Variants in ANKRD55 observed in about 807,000 individuals in gnomAD.
The protein encoded by ANKRD55 is ankyrin repeat domain 55, also known as ankyrin repeat domain-containing protein 55.
A neutral mutation model predicts 60.6 loss-of-function variants in ANKRD55; 41 were observed. That is an observed-to-expected ratio of 0.68 (90% CI 0.53 to 0.88). ANKRD55 has a LOEUF of 0.88. Among genes scored for constraint, ANKRD55 ranks in the 40% least tolerant of loss-of-function variants. The pLI is 0.00. For missense variants in ANKRD55, 732 were observed against 767.6 expected (o/e 0.95, Z 0.55); for synonymous variants, 264 against 290.3 (o/e 0.91, Z 0.92).
At chr5:56,194,509 A>G (rs1313250431) in intron 2 of ANKRD55, among the ~76,000 whole-genome samples, 1 of 152,124 alleles carries the variant, frequency 6.6e-6, no homozygotes, top group Non-Finnish European at 1.5e-5. Context: ...AGAAGCTAAA[A>G]TAAGACTGGC....
At chr5:56,174,754 C>T (rs144196067) in intron 4 of ANKRD55, among the ~76,000 whole-genome samples, 2 of 151,016 alleles carry the variant, frequency 1.3e-5, no homozygotes, top group African/African-American at 4.9e-5. Context: ...ATCGCTTGAA[C>T]CTGGGAGGCA....
At chr5:56,173,570 CTCTCTCTCTCTCTA>C (rs1465409382) in intron 4 of ANKRD55, among the ~76,000 whole-genome samples, 46 of 110,966 alleles carry the variant, frequency 4.1e-4, no homozygotes, top group African/African-American at 1.3e-3. Flanking sequence ...CTCTCTCTCT[CTCTCTCTCTCTCTA>C]TATATATATA....
chr5:56,185,638 A>C (rs1365526699), intron 2 of ANKRD55, among the ~76,000 whole-genome samples: 1 of 152,058 alleles, frequency 6.6e-6, no homozygotes, highest in African/African-American at 2.4e-5. Flanking sequence ...ATTGCACTCC[A>C]GCCTGGGCAA....
At chr5:56,100,349 C>T in intron 11 of ANKRD55, 45 bp from the exon 12 acceptor site, 1 of 1,611,672 alleles carries the variant, frequency 6.2e-7, no homozygotes, top group East Asian at 2.2e-5. Context: ...ATTTGCTTCT[C>T]TAACAGGAAG....
At chr5:56,146,674 G>A (rs935644559) in intron 6 of ANKRD55, 1 of 152,340 alleles carries the variant, frequency 6.6e-6, no homozygotes, top group Non-Finnish European at 1.5e-5. Flanking sequence ...GAACTTGTCT[G>A]ATATGATCAT....
intron 5 of ANKRD55, among the ~76,000 whole-genome samples, chr5:56,161,776 C>A (rs1758337280): frequency 6.6e-6 from 1 of 152,212 alleles, no homozygotes; most frequent in African/African-American, 2.4e-5. Context: ...GGCAGAAAGA[C>A]CCTGGGTCAC....
Position 56,176,139 on chromosome 5 carries a change from C to T in ANKRD55, c.312+13G>A. 6.2e-7 allele frequency: 1 copy of T among 1,613,708 alleles called. No individual in the cohort carries two copies. The highest frequency in any genetic ancestry group is 8.5e-7 in the Non-Finnish European group (1 of 1,179,786). ...CCTGCTCCTTCCACCCTGTGACAGG[C>T]ACAAGTCAGTACCAGGTAGGTGGCC... On this transcript the variant is annotated intron_variant, in intron 4 of 11. Coordinates refer to ENST00000341048, the MANE Select transcript of ANKRD55 (RefSeq NM_024669.3).
intron 8 of ANKRD55, among the ~76,000 whole-genome samples, chr5:56,121,688 T>A (rs1358104673): frequency 6.6e-6 from 1 of 152,060 alleles, no homozygotes; most frequent in Non-Finnish European, 1.5e-5. Context: ...CACCACTTTT[T>A]AAAAAAGATT....
At chr5:56,180,929 T>G (rs1311184146) in intron 3 of ANKRD55, among the ~76,000 whole-genome samples, 1 of 152,348 alleles carries the variant, frequency 6.6e-6, no homozygotes, top group Admixed American at 6.5e-5. Context: ...GCCGGGCCAG[T>G]GGCTCACACC....
chr5:56,196,306 A>G (rs1290209100), intron 2 of ANKRD55, among the ~76,000 whole-genome samples: 1 of 152,200 alleles, frequency 6.6e-6, no homozygotes, highest in Non-Finnish European at 1.5e-5. Context: ...TTATTATTCT[A>G]TTACCTTGGA....
chr5:56,177,924 T>C (rs967620392), intron 3 of ANKRD55, among the ~76,000 whole-genome samples: 4 of 152,228 alleles, frequency 2.6e-5, no homozygotes, highest in Non-Finnish European at 1.5e-5. Flanking sequence ...TGACCCTCCA[T>C]TGTGAACTGG....
intron 8 of ANKRD55, among the ~76,000 whole-genome samples, chr5:56,119,364 A>C (rs1756973923): frequency 6.6e-6 from 1 of 152,242 alleles, no homozygotes; most frequent in South Asian, 2.1e-4. Context: ...TTCCGCTTAC[A>C]TGACCTTCTG....
At chr5:56,192,835 C>T in intron 2 of ANKRD55, 1 of 717,418 alleles carries the variant, frequency 1.4e-6, no homozygotes, top group East Asian at 2.9e-5. Flanking sequence ...TTATGACAGG[C>T]TCTCAAAACC....
chr5:56,176,657 T>C (rs141168635), intron 3 of ANKRD55, among the ~76,000 whole-genome samples: 1 of 152,210 alleles, frequency 6.6e-6, no homozygotes, highest in Non-Finnish European at 1.5e-5. Context: ...GGCAGATGGG[T>C]TCAGCACACT....
rs12517328 is a variant in ANKRD55 at position 56,187,090 on chromosome 5, A to T, written c.59-3456T>A. Among the ~76,000 whole-genome samples the T allele has an allele frequency of 6.7e-4, 102 of 152,344 alleles. 2 individuals are homozygous for T. Among genetic ancestry groups the T allele is most frequent in the Admixed American group, 6.1e-3 (94 of 15,306 alleles). On this transcript the variant is annotated intron_variant, in intron 2 of 11. Coordinates refer to ENST00000341048, the MANE Select transcript of ANKRD55 (RefSeq NM_024669.3). Reference sequence around the variant, plus strand: ...AAACAATGAATGCATTGCCTGATAGAATTATGATCCCCAAAATATCTTGCC... The same window carrying T: ...AAACAATGAATGCATTGCCTGATAGTATTATGATCCCCAAAATATCTTGCC...
intron 4 of ANKRD55, among the ~76,000 whole-genome samples, chr5:56,174,149 C>A (rs77122033): frequency 6.6e-6 from 1 of 152,106 alleles, no homozygotes; most frequent in Admixed American, 6.5e-5. Context: ...TCTTCTCATG[C>A]AGCCCTTAGA....
intron 7 of ANKRD55, among the ~76,000 whole-genome samples, chr5:56,138,244 C>T (rs1757664964): frequency 6.6e-6 from 1 of 151,362 alleles, no homozygotes; most frequent in South Asian, 2.1e-4. Context: ...TCTCCTGCCT[C>T]AGCCTCCCGA....
chr5:56,121,820 G>T (rs987505831), intron 8 of ANKRD55, among the ~76,000 whole-genome samples: 1 of 152,102 alleles, frequency 6.6e-6, no homozygotes, highest in African/African-American at 2.4e-5. Flanking sequence ...TTTCTTTATT[G>T]TACCAAAGAC....
chr5:56,127,041 A>G lies in ANKRD55; in HGVS notation c.678T>C (p.Tyr226=). The change falls in exon 8 of 12, where the codon TAT becomes TAC. Residue 226 remains tyrosine, a synonymous_variant. Transcript: ENST00000341048. ...CACATGTCTTCCCACTCTCATCATC[A>G]TAGTTGATTATGGACGGCCCCTGGT... ...SHHQGPSIIN[Y]DDESGKTCVH... is the part of the protein sequence containing the mutation. 6.2e-7 allele frequency: 1 copy of G among 1,613,868 alleles called. No homozygotes were observed. The highest frequency in any genetic ancestry group is 1.1e-5 in the South Asian group (1 of 91,022).
Sources: gnomAD v4.1 joint callset for allele counts (sites outside exome capture counted in the v4.1 genomes callset) on GRCh38, gnomAD v4.1.1 for gene constraint, MANE v1.5 for transcripts, NCBI Gene and HGNC (gene_info 2026-07-23, HGNC 2026-07-21) for gene names.